The following GCNT1 variants were observed in gnomAD, a reference collection of about 807,000 sequenced individuals.
The protein encoded by GCNT1 is beta-1,3-galactosyl-O-glycosyl-glycoprotein beta-1,6-N-acetylglucosaminyltransferase.
In GCNT1, 16 loss-of-function variants were observed where a neutral mutation model predicts 26.2. The ratio of observed to expected loss-of-function variants is 0.61; its 90% CI spans 0.41 to 0.93. GCNT1 has a LOEUF of 0.93. Ranked by LOEUF, GCNT1 falls within the 40% of genes least tolerant of loss-of-function variation. The probability of loss-of-function intolerance (pLI) is 0.00; values close to 1 mark genes in which losing one functional copy is unlikely to be tolerated. For synonymous variants in GCNT1, 183 were observed against 190.8 expected, an observed-to-expected ratio of 0.96 and a Z score of 0.34; for missense variants, 477 against 526.7, an observed-to-expected ratio of 0.91 and a Z score of 0.92.
chr9:76,475,553 T>G (rs1333032238), intron 2 of GCNT1, among the ~76,000 whole-genome samples: 1 of 152,186 alleles, frequency 6.6e-6, no homozygotes, highest in African/African-American at 2.4e-5. Context: ...TTTTTTGAGT[T>G]CATGCTAATT....
intron 3 of GCNT1, chr9:76,501,862 AACTATAG>A (rs1825079004): frequency 6.6e-6 from 1 of 152,220 alleles, no homozygotes; most frequent in Admixed American, 6.5e-5. Flanking sequence ...GAAACTCATC[AACTATAG>A]ACTGTTCAAT....
At position 76,421,686 on chromosome 9, in the gene GCNT1, G is replaced by GTTTTT. The variant is rs375605387; in HGVS notation, n.38+1801_38+1802insTTTTT. On this transcript the variant is annotated intron_variant and non_coding_transcript_variant, in intron 1 of 3. Transcript: ENST00000488136. ...TGATGGCAACTCAATTTGTTTGTAG[G>GTTTTT]TTGTTTTTTTTTTTTTTTTTTTTTT... is the stretch of plus-strand genomic sequence containing the variant. Among the ~76,000 whole-genome samples, 39 of 84,376 alleles carry GTTTTT rather than the reference G, an allele frequency of 4.6e-4. 4 individuals are homozygous for GTTTTT. The highest frequency in any genetic ancestry group is 1.1e-3 in the African/African-American group (23 of 20,602). 55.4% of individuals were successfully genotyped at this position (84,376 alleles called of 152,430 possible). A position where few individuals can be genotyped will look rare whatever the true frequency, so the allele number is the denominator to read the frequency against.
At chr9:76,413,668 G>GTTTTTTTTTTTTTTTTTTTTTT in the GCNT1 span, among the ~76,000 whole-genome samples, 3 of 84,210 alleles carry the variant, frequency 3.6e-5, no homozygotes, top group Non-Finnish European at 7.7e-5. Context: ...TTTTTTTTTT[G>GTTTTTTTTTTTTTTTTTTTTTT]TTTTTTTTTT....
chr9:76,506,179 A>G lies in GCNT1; in HGVS notation c.*2511A>G, dbSNP rs994831305. 2 of 167,130 alleles carry G rather than the reference A, an allele frequency of 1.2e-5. No individual in the cohort carries two copies. Among genetic ancestry groups the G allele is most frequent in the African/African-American group, 2.4e-5 (1 of 41,468 alleles). 10.4% of individuals were successfully genotyped at this position (167,130 alleles called of 1,614,324 possible). A position where few individuals can be genotyped will look rare whatever the true frequency, so the allele number is the denominator to read the frequency against. Reference sequence around the variant, plus strand: ...AAAACCCAAGTGATTGGTGAGAAATATAGAAATTATTTAAATTACTTTATA... The same window carrying G: ...AAAACCCAAGTGATTGGTGAGAAATGTAGAAATTATTTAAATTACTTTATA... On this transcript the variant is annotated 3_prime_UTR_variant, in exon 4 of 4. Coordinates refer to ENST00000376730, the MANE Select transcript of GCNT1 (RefSeq NM_001490.5).
At chr9:76,394,237 C>G in the GCNT1 span, 2 of 1,500,002 alleles carry the variant, frequency 1.3e-6, no homozygotes, top group Non-Finnish European at 1.8e-6. Flanking sequence ...GCCGTCGACG[C>G]GGCGCCCAGA....
intron 2 of GCNT1, among the ~76,000 whole-genome samples, chr9:76,499,970 G>C (rs965496920): frequency 6.6e-6 from 1 of 151,760 alleles, no homozygotes; most frequent in Admixed American, 6.6e-5. Flanking sequence ...TACCATACTC[G>C]TGCTTTCTTT....
chr9:76,459,596 G>A (rs1361832841), intron 1 of GCNT1, among the ~76,000 whole-genome samples: 1 of 152,224 alleles, frequency 6.6e-6, no homozygotes, highest in African/African-American at 2.4e-5. Context: ...TAGCTTAGAT[G>A]TCGGAGGGGT....
chr9:76,454,567 T>G (rs1309820236), upstream of GCNT1, among the ~76,000 whole-genome samples: 3 of 145,732 alleles, frequency 2.1e-5, no homozygotes, highest in Non-Finnish European at 1.5e-5. Context: ...AAATCTCATC[T>G]TGAATTGTAA....
chr9:76,433,037 A>T (rs957519392), intron 1 of GCNT1, among the ~76,000 whole-genome samples: 1 of 152,132 alleles, frequency 6.6e-6, no homozygotes, highest in Non-Finnish European at 1.5e-5. Context: ...CAAGTGGGAG[A>T]CCACCCTTGT....
the GCNT1 span, among the ~76,000 whole-genome samples, chr9:76,411,985 A>G: frequency 6.0e-5 from 9 of 151,006 alleles, no homozygotes; most frequent in African/African-American, 2.2e-4. Flanking sequence ...TACAGGCATG[A>G]GCCACCATGC....
chr9:76,451,964 T>TG (rs1291607232), intron 1 of GCNT1, among the ~76,000 whole-genome samples: 7 of 90,452 alleles, frequency 7.7e-5, no homozygotes, highest in Admixed American at 3.6e-4. Context: ...TTTTTTTTTT[T>TG]TTGTTGTTGT....
At chr9:76,454,460 A>G (rs1162623272), upstream of GCNT1, among the ~76,000 whole-genome samples, 2 of 150,646 alleles carry the variant, frequency 1.3e-5, no homozygotes, top group Non-Finnish European at 3.0e-5. Context: ...CAATCAGGCA[A>G]CTGATCAGGA....
chr9:76,470,257 TGA>T (rs1350472302), intron 2 of GCNT1, among the ~76,000 whole-genome samples: 13 of 152,098 alleles, frequency 8.5e-5, no homozygotes, highest in South Asian at 2.1e-4. Context: ...CTCTTTCTCG[TGA>T]TATACCCCTC....
chr9:76,415,037 C>T (rs543962649), upstream of GCNT1, among the ~76,000 whole-genome samples: 3 of 152,200 alleles, frequency 2.0e-5, no homozygotes, highest in East Asian at 3.9e-4. Context: ...ATTTAGTAAG[C>T]CTTTATGTGC....
At chr9:76,428,292 T>TAAAAAAAAAAAAAAAAAAAAAAAAAAAA (rs1279001629) in intron 1 of GCNT1, among the ~76,000 whole-genome samples, 16 of 85,888 alleles carry the variant, frequency 1.9e-4, no homozygotes, top group Non-Finnish European at 2.6e-4. Context: ...AAAAAAAACT[T>TAAAAAAAAAAAAAAAAAAAAAAAAAAAA]AAAAAAAAAA....
chr9:76,498,869 AT>A (rs1320240760), intron 2 of GCNT1, among the ~76,000 whole-genome samples: 1 of 152,140 alleles, frequency 6.6e-6, no homozygotes, highest in Non-Finnish European at 1.5e-5. Flanking sequence ...TGTCTTTTAA[AT>A]CAGATGGGAA....
chr9:76,420,068 A>G (rs889355913), intron 1 of GCNT1: 2 of 152,212 alleles, frequency 1.3e-5, no homozygotes, highest in African/African-American at 4.8e-5. Flanking sequence ...AGTCCACCAA[A>G]TTTCTGATTT....
At chr9:76,488,826 G>C (rs1001270810) in intron 2 of GCNT1, among the ~76,000 whole-genome samples, 7 of 152,200 alleles carry the variant, frequency 4.6e-5, no homozygotes, top group Admixed American at 2.0e-4. Flanking sequence ...TTGCTATCAT[G>C]TTAATAATTT....
chr9:76,397,444 A>ATTT, the GCNT1 span, among the ~76,000 whole-genome samples: 1 of 138,364 alleles, frequency 7.2e-6, no homozygotes, highest in African/African-American at 2.7e-5. Context: ...AGAAGAAAGA[A>ATTT]TTTTTTTTTT....
Sources: allele counts gnomAD v4.1 joint callset (sites outside exome capture counted in the v4.1 genomes callset), GRCh38; gene constraint gnomAD v4.1.1; transcripts MANE v1.5; gene names NCBI Gene and HGNC (gene_info 2026-07-23, HGNC 2026-07-21).